The following OSBPL6 variants were observed in gnomAD, a reference collection of about 807,000 sequenced individuals.
The protein encoded by OSBPL6 is oxysterol-binding protein-related protein 6.
Under a neutral mutation model 125.8 loss-of-function variants are expected in OSBPL6, and 49 were observed. That is an observed-to-expected ratio of 0.39 (90% CI 0.31 to 0.49). The LOEUF (loss-of-function observed/expected upper bound fraction) is 0.49, where lower values mean the gene tolerates loss of function less well. Among genes scored for constraint, OSBPL6 ranks in the 20% least tolerant of loss-of-function variants. OSBPL6 has a pLI of 0.88. For missense variants in OSBPL6, 986 were observed against 1,135.4 expected (o/e 0.87, Z 1.89); for synonymous variants, 394 against 391.8 (o/e 1.01, Z -0.07).
At chr2:178,294,672 A>C (rs1685573614) in intron 2 of OSBPL6, among the ~76,000 whole-genome samples, 1 of 151,386 alleles carries the variant, frequency 6.6e-6, no homozygotes, top group African/African-American at 2.4e-5. Flanking sequence ...AAGTCGGAAA[A>C]TTCTAAGTCA....
chr2:178,277,473 CT>C (rs2092493260), intron 1 of OSBPL6, among the ~76,000 whole-genome samples: 1 of 152,120 alleles, frequency 6.6e-6, no homozygotes. Context: ...AACACTTTCC[CT>C]ACCCTCAGAG....
chr2:178,381,727 T>C (rs757604673), intron 15 of OSBPL6, among the ~76,000 whole-genome samples: 1 of 152,198 alleles, frequency 6.6e-6, no homozygotes, highest in Admixed American at 6.5e-5. Context: ...CTGCCAAATA[T>C]CTTCCTGAAA....
rs541288715 is a variant in OSBPL6 at position 178,297,831 on chromosome 2, G to A, written c.-155-8199G>A. ...TATTGTAGAAGTCATAATAGCTGGT[G>A]ATTCAGGAACTTTTTATTGTAGTAA... On this transcript the variant is annotated intron_variant, in intron 2 of 24. Transcript: ENST00000190611. 6.4e-4 allele frequency among the ~76,000 whole-genome samples: 97 copies of A among 152,318 alleles called. No homozygotes were observed. The Middle Eastern group carries it at 0.01, about 16-fold the overall frequency.
intron 1 of OSBPL6, among the ~76,000 whole-genome samples, chr2:178,219,683 T>G (rs529130506): frequency 6.6e-6 from 1 of 152,320 alleles, no homozygotes; most frequent in East Asian, 1.9e-4. Context: ...CCAGCAAGAT[T>G]CTACTTTTGG....
chr2:178,265,855 G>A (rs1030673439), intron 1 of OSBPL6, among the ~76,000 whole-genome samples: 2 of 151,926 alleles, frequency 1.3e-5, no homozygotes, highest in Non-Finnish European at 2.9e-5. Context: ...GCATCATGTA[G>A]CTTTGAGAAA....
intron 1 of OSBPL6, among the ~76,000 whole-genome samples, chr2:178,255,115 C>T (rs2091838189): frequency 6.6e-6 from 1 of 152,180 alleles, no homozygotes. Flanking sequence ...ACCAGCTAGG[C>T]CAGCATGGCA....
intron 1 of OSBPL6, among the ~76,000 whole-genome samples, chr2:178,244,611 A>G (rs1225709068): frequency 2.0e-5 from 3 of 152,218 alleles, no homozygotes; most frequent in Non-Finnish European, 2.9e-5. Context: ...TAGCCTTCTC[A>G]ACTGGAAGGC....
chr2:178,210,849 C>CACACA (rs1491232760), intron 1 of OSBPL6, among the ~76,000 whole-genome samples: 8 of 141,730 alleles, frequency 5.6e-5, no homozygotes, highest in African/African-American at 1.9e-4. Flanking sequence ...CACACACACA[C>CACACA]CCCTCTCTGC....
intron 8 of OSBPL6, among the ~76,000 whole-genome samples, chr2:178,334,806 G>A (rs1689533725): frequency 6.6e-6 from 1 of 152,200 alleles, no homozygotes; most frequent in African/African-American, 2.4e-5. Context: ...ACAGGCGTGA[G>A]CCACCACACC....
chr2:178,265,094 C>A (rs140223320), intron 1 of OSBPL6, among the ~76,000 whole-genome samples: 1 of 141,124 alleles, frequency 7.1e-6, no homozygotes, highest in Non-Finnish European at 1.5e-5. Context: ...GTTGTACTGG[C>A]GGGTCTTTAA....
chr2:178,368,535 G>C (rs1303657429), intron 13 of OSBPL6, among the ~76,000 whole-genome samples: 1 of 152,058 alleles, frequency 6.6e-6, no homozygotes, highest in African/African-American at 2.4e-5. Context: ...TTCTAAAAGT[G>C]ATTAAAATAA....
In OSBPL6 at chr2:178,387,011, G is replaced by A. The variant is rs766784723; in HGVS notation, c.2078-50G>A. 23 of 1,222,138 alleles carry A rather than the reference G, an allele frequency of 1.9e-5. No individual in the cohort carries two copies. The South Asian group carries it at 2.6e-4, about 14-fold the overall frequency. The allele number at this position is 1,222,138 out of a possible 1,614,324, so 75.7% of individuals were successfully genotyped here. ...ACAAAAGTTAGTTTTTATAGAAGAG[G>A]TGATTAGATATGGGGTATGTATTTC... On this transcript the variant is annotated intron_variant, in intron 19 of 24. Transcript: ENST00000190611.
intron 2 of OSBPL6, among the ~76,000 whole-genome samples, chr2:178,290,251 G>T (rs1443226816): frequency 6.6e-6 from 1 of 152,120 alleles, no homozygotes; most frequent in African/African-American, 2.4e-5. Context: ...GAAGGGCAGG[G>T]TGATTGCTTA....
chr2:178,402,280 C>G lies in OSBPL6; in HGVS notation c.*6721C>G, dbSNP rs111574104. On this transcript the variant is annotated 3_prime_UTR_variant, in exon 25 of 25. Transcript: ENST00000190611. ...CTAAAAGGCAAGATTTTTGCTAAAC[C>G]GGAGAACGTAAAAATACATTCCTAG... is the stretch of plus-strand genomic sequence containing the variant. 6.6e-6 allele frequency: 1 copy of G among 152,126 alleles called. No individual in the cohort carries two copies. Among genetic ancestry groups the G allele is most frequent in the Non-Finnish European group, 1.5e-5 (1 of 68,022 alleles). 9.4% of individuals were successfully genotyped at this position (152,126 alleles called of 1,614,324 possible). A position where few individuals can be genotyped will look rare whatever the true frequency, so the allele number is the denominator to read the frequency against.
chr2:178,267,794 A>G (rs1282729788), intron 1 of OSBPL6, among the ~76,000 whole-genome samples: 5 of 149,210 alleles, frequency 3.4e-5, no homozygotes, highest in African/African-American at 1.2e-4. Context: ...ACTATAAGCA[A>G]CATATAAAAT....
At chr2:178,232,946 CTT>C (rs2153982557) in intron 1 of OSBPL6, among the ~76,000 whole-genome samples, 1 of 152,328 alleles carries the variant, frequency 6.6e-6, no homozygotes, top group South Asian at 2.1e-4. Context: ...ACACCTGACT[CTT>C]TTAAAACTTT....
chr2:178,228,031 GA>G (rs200543575), intron 1 of OSBPL6, among the ~76,000 whole-genome samples: 335 of 151,400 alleles, frequency 2.2e-3, no homozygotes, highest in Middle Eastern at 6.8e-3. Context: ...AATAAAAGAA[GA>G]AAAAAAAGAC....
rs752649322 is a variant in OSBPL6 at position 178,373,922 on chromosome 2, A to G, written c.1428A>G (p.Leu476=). The change falls in exon 15 of 25, where the codon TTA becomes TTG. Residue 476 remains leucine, a synonymous_variant. Transcript: ENST00000190611. ...AGCAAATCCATGTCAGTCTCCCCTT[A>G]TCACAGCAAGTAGCCAATGAGAGCC... ...AGEQIHVSLP[L]SQQVANESRL... The G allele has an allele frequency of 6.2e-7, 1 of 1,614,130 alleles. No individual in the cohort carries two copies. The highest frequency in any genetic ancestry group is 8.5e-7 in the Non-Finnish European group (1 of 1,180,002).
chr2:178,231,238 C>A (rs2090804605), intron 1 of OSBPL6, among the ~76,000 whole-genome samples: 1 of 152,154 alleles, frequency 6.6e-6, no homozygotes, highest in Admixed American at 6.5e-5. Flanking sequence ...GTAATGTTTA[C>A]AAAGCACATA....
Sources: gnomAD v4.1 joint callset for allele counts (sites outside exome capture counted in the v4.1 genomes callset) on GRCh38, gnomAD v4.1.1 for gene constraint, MANE v1.5 for transcripts, NCBI Gene and HGNC (gene_info 2026-07-23, HGNC 2026-07-21) for gene names.